The following RCL1 variants were observed in gnomAD, a reference collection of about 807,000 sequenced individuals.
RCL1 encodes the protein RNA terminal phosphate cyclase like 1, also known as RNA 3'-terminal phosphate cyclase-like protein.
A neutral mutation model predicts 42.4 loss-of-function variants in RCL1; 24 were observed. The ratio of observed to expected loss-of-function variants is 0.57; its 90% CI spans 0.41 to 0.80. The LOEUF is 0.80. Ranked by LOEUF, RCL1 falls within the 30% of genes least tolerant of loss-of-function variation. RCL1 has a pLI of 0.00. For missense variants in RCL1, 578 were observed against 467.9 expected, an observed-to-expected ratio of 1.24 and a Z score of -2.17; for synonymous variants, 228 against 177.3, an observed-to-expected ratio of 1.29 and a Z score of -2.27.
chr9:4,802,083 T>C (rs868354153), intron 1 of RCL1, among the ~76,000 whole-genome samples: 1,907 of 148,020 alleles, frequency 0.013, 16 homozygotes, highest in Non-Finnish European at 0.021. Context: ...TATTTTTTTT[T>C]TTTTTTTTTT....
chr9:4,819,700 G>A (rs539821658), intron 1 of RCL1, among the ~76,000 whole-genome samples: 7 of 152,244 alleles, frequency 4.6e-5, no homozygotes, highest in South Asian at 4.1e-4. Flanking sequence ...CCAGCTACTC[G>A]GGAGGCTGAG....
intron 1 of RCL1, among the ~76,000 whole-genome samples, chr9:4,810,978 A>G (rs1235411993): frequency 6.6e-6 from 1 of 152,234 alleles, no homozygotes; most frequent in African/African-American, 2.4e-5. Flanking sequence ...ACATGTATAC[A>G]GTATATAATG....
chr9:4,821,660 C>A (rs1230811646), intron 1 of RCL1, among the ~76,000 whole-genome samples: 1 of 151,898 alleles, frequency 6.6e-6, no homozygotes, highest in East Asian at 1.9e-4. Context: ...TTTTTTCCCC[C>A]CAGAGATGGG....
chr9:4,814,055 C>T (rs1158856146), intron 1 of RCL1, among the ~76,000 whole-genome samples: 5 of 151,856 alleles, frequency 3.3e-5, no homozygotes, highest in Non-Finnish European at 7.4e-5. Flanking sequence ...GGGGGAATGA[C>T]GAGTTAATGG....
intron 1 of RCL1, among the ~76,000 whole-genome samples, chr9:4,812,208 T>A (rs551407256): frequency 6.6e-6 from 1 of 152,316 alleles, no homozygotes; most frequent in Non-Finnish European, 1.5e-5. Flanking sequence ...TTTTGCCTAG[T>A]TTTTCTTTTG....
intron 3 of RCL1, 135 bp downstream of exon 3, chr9:4,827,168 T>G (rs1466539978): frequency 6.4e-7 from 1 of 1,551,688 alleles, no homozygotes; most frequent in Admixed American, 2.0e-5. Flanking sequence ...CTTTGAGATT[T>G]AGAGGTTAAT....
chr9:4,827,184 C>T, intron 3 of RCL1, 151 bp downstream of exon 3: 1 of 1,545,810 alleles, frequency 6.5e-7, no homozygotes. Flanking sequence ...TTAATCACTC[C>T]AGGAGGCAGA....
chr9:4,820,725 A>AT (rs1816566804), intron 1 of RCL1, among the ~76,000 whole-genome samples: 1 of 152,150 alleles, frequency 6.6e-6, no homozygotes, highest in Non-Finnish European at 1.5e-5. Context: ...AGCACGTTAG[A>AT]TTTTCTATAA....
intron 1 of RCL1, among the ~76,000 whole-genome samples, chr9:4,802,074 A>ATTTTTTTTTT (rs34756856): frequency 0.022 from 2,104 of 94,244 alleles, no homozygotes; most frequent in Non-Finnish European, 0.031. Context: ...ACGCCTGGCT[A>ATTTTTTTTTT]TTTTTTTTTT....
chr9:4,808,561 G>A (rs754961088), intron 1 of RCL1, among the ~76,000 whole-genome samples: 3 of 152,188 alleles, frequency 2.0e-5, no homozygotes, highest in Middle Eastern at 3.4e-3. Context: ...CACCTGCCTC[G>A]GCCTCCCAGT....
chr9:4,845,878 A>G (rs1817494035), intron 7 of RCL1, among the ~76,000 whole-genome samples: 1 of 152,126 alleles, frequency 6.6e-6, no homozygotes, highest in African/African-American at 2.4e-5. Flanking sequence ...TGTTCTGTGT[A>G]TTTCTTCTCA....
chr9:4,832,741 G>A (rs1318635760), intron 3 of RCL1, among the ~76,000 whole-genome samples: 2 of 143,882 alleles, frequency 1.4e-5, no homozygotes, highest in African/African-American at 5.1e-5. Context: ...CTGGGAGGCA[G>A]AGGTTGCAGT....
At chr9:4,846,918 C>CA (rs1384900821) in intron 7 of RCL1, among the ~76,000 whole-genome samples, 1 of 52,998 alleles carries the variant, frequency 1.9e-5, no homozygotes, top group East Asian at 3.7e-4. Context: ...GGAAGAGTCT[C>CA]ACTCTTTCCC....
intron 1 of RCL1, among the ~76,000 whole-genome samples, chr9:4,794,105 A>C (rs1842876475): frequency 6.6e-6 from 1 of 152,236 alleles, no homozygotes; most frequent in Non-Finnish European, 1.5e-5. Context: ...CAGGTGAAAA[A>C]GGAAAAAACC....
At chr9:4,817,072 C>A (rs1306312421) in intron 1 of RCL1, among the ~76,000 whole-genome samples, 1 of 152,196 alleles carries the variant, frequency 6.6e-6, no homozygotes, top group Non-Finnish European at 1.5e-5. Context: ...CTGCCTCGGC[C>A]TCCCAAAATG....
At chr9:4,793,359 G>T (rs1842862556) in intron 1 of RCL1, 132 bp downstream of exon 1, 2 of 1,075,910 alleles carry the variant, frequency 1.9e-6, no homozygotes, top group Non-Finnish European at 2.5e-6. Flanking sequence ...GGCAGGTGGC[G>T]CGTCGCCTCC....
chr9:4,821,928 C>T (rs1405783126), intron 1 of RCL1, among the ~76,000 whole-genome samples: 3 of 152,332 alleles, frequency 2.0e-5, no homozygotes, highest in Admixed American at 2.0e-4. Context: ...ACAATGACAA[C>T]TCAGTTTCAA....
chr9:4,812,603 GA>G (rs1816219021), intron 1 of RCL1, among the ~76,000 whole-genome samples: 1 of 151,970 alleles, frequency 6.6e-6, no homozygotes, highest in Non-Finnish European at 1.5e-5. Flanking sequence ...TTTTTTCTCA[GA>G]ATTGCTTTGG....
intron 1 of RCL1, among the ~76,000 whole-genome samples, chr9:4,799,679 G>C (rs1842967243): frequency 6.6e-6 from 1 of 151,892 alleles, no homozygotes; most frequent in African/African-American, 2.4e-5. Flanking sequence ...GCTTTTTTCT[G>C]TTTTCTTAAA....
Sources: allele counts gnomAD v4.1 joint callset (sites outside exome capture counted in the v4.1 genomes callset), GRCh38; gene constraint gnomAD v4.1.1; transcripts MANE v1.5; gene names NCBI Gene and HGNC (gene_info 2026-07-23, HGNC 2026-07-21).